Variants in GALNT17 observed in about 807,000 individuals in gnomAD.
GALNT17 encodes the protein polypeptide N-acetylgalactosaminyltransferase 17.
GALNT17 carries 29 observed loss-of-function variants against 63.7 expected under a neutral mutation model. That is an observed-to-expected ratio of 0.46 (90% CI 0.34 to 0.62). GALNT17 has a LOEUF of 0.62. Ranked by LOEUF, GALNT17 falls within the 20% of genes least tolerant of loss-of-function variation. GALNT17 has a pLI of 0.01. For synonymous variants in GALNT17, 305 were observed against 318.3 expected (o/e 0.96, Z 0.45); for missense variants, 603 against 799.6 (o/e 0.75, Z 2.97).
chr7:71,268,989 C>T (rs1318653655), intron 1 of GALNT17, among the ~76,000 whole-genome samples: 4 of 152,156 alleles, frequency 2.6e-5, no homozygotes. Flanking sequence ...ACTGAGGCTG[C>T]CAAGGGCAGG....
intron 1 of GALNT17, among the ~76,000 whole-genome samples, chr7:71,142,047 T>TGTGTGTGTGTGTGTGTGTGTGTGTG (rs57769191): frequency 6.8e-6 from 1 of 146,816 alleles, no homozygotes; most frequent in East Asian, 2.0e-4. Flanking sequence ...TGTGTGTGTG[T>TGTGTGTGTGTGTGTGTGTGTGTGTG]TTAGTAGAGA....
intron 5 of GALNT17, among the ~76,000 whole-genome samples, chr7:71,466,564 C>G (rs1361294305): frequency 1.3e-5 from 2 of 152,122 alleles, no homozygotes; most frequent in African/African-American, 4.8e-5. Context: ...GAATTCCCTT[C>G]CCTTCCTAGG....
intron 5 of GALNT17, among the ~76,000 whole-genome samples, chr7:71,500,757 GA>G (rs2116699998): frequency 6.6e-6 from 1 of 152,210 alleles, no homozygotes; most frequent in East Asian, 1.9e-4. Flanking sequence ...CTGCAGGGAA[GA>G]TGGGCTCTGA....
At chr7:71,315,067 A>G (rs1266698524) in intron 1 of GALNT17, among the ~76,000 whole-genome samples, 1 of 152,186 alleles carries the variant, frequency 6.6e-6, no homozygotes, top group Admixed American at 6.5e-5. Flanking sequence ...TCACTAATCT[A>G]TTATTTGTCT....
At chr7:71,624,111 G>T (rs969290321) in intron 6 of GALNT17, among the ~76,000 whole-genome samples, 1 of 152,222 alleles carries the variant, frequency 6.6e-6, no homozygotes, top group Non-Finnish European at 1.5e-5. Flanking sequence ...TGTGCTTACG[G>T]TTGGGGTCAG....
At chr7:71,439,210 T>G (rs1012648826) in intron 5 of GALNT17, among the ~76,000 whole-genome samples, 1 of 152,126 alleles carries the variant, frequency 6.6e-6, no homozygotes, top group Admixed American at 6.5e-5. Flanking sequence ...AGGAGAGACA[T>G]TTTAAATGCC....
intron 7 of GALNT17, among the ~76,000 whole-genome samples, chr7:71,668,038 A>G (rs374081544): frequency 3.3e-5 from 5 of 152,040 alleles, no homozygotes; most frequent in African/African-American, 4.8e-5. Context: ...GGCTCAAGCA[A>G]TCCTCCCACC....
chr7:71,277,440 A>T (rs764993623), intron 1 of GALNT17, among the ~76,000 whole-genome samples: 20 of 152,216 alleles, frequency 1.3e-4, no homozygotes, highest in Non-Finnish European at 2.5e-4. Flanking sequence ...CCTCAGCATC[A>T]CACAGTATAC....
intron 5 of GALNT17, among the ~76,000 whole-genome samples, chr7:71,439,370 C>T (rs1348373339): frequency 2.0e-5 from 3 of 152,164 alleles, no homozygotes; most frequent in Admixed American, 1.3e-4. Flanking sequence ...CACCTAGGTA[C>T]CTTCTGCACC....
intron 1 of GALNT17, among the ~76,000 whole-genome samples, chr7:71,309,805 C>T (rs1791381174): frequency 2.0e-5 from 3 of 152,072 alleles, no homozygotes; most frequent in South Asian, 2.1e-4. Flanking sequence ...GTTTAGAATA[C>T]TTATTTCTAA....
chr7:71,564,837 C>G (rs1789314115), intron 5 of GALNT17, among the ~76,000 whole-genome samples: 2 of 152,158 alleles, frequency 1.3e-5, no homozygotes, highest in South Asian at 4.1e-4. Context: ...TCCCAGGACT[C>G]AGAGAACCCT....
intron 8 of GALNT17, among the ~76,000 whole-genome samples, chr7:71,673,626 A>C (rs1032434831): frequency 1.3e-5 from 2 of 152,156 alleles, no homozygotes; most frequent in South Asian, 2.1e-4. Context: ...TAAAAAGGAA[A>C]TAATAAACAT....
chr7:71,384,613 T>C (rs1051004894), intron 2 of GALNT17, among the ~76,000 whole-genome samples: 3 of 152,208 alleles, frequency 2.0e-5, no homozygotes, highest in Admixed American at 6.5e-5. Flanking sequence ...TAATTAATGC[T>C]CATGATCTTC....
intron 1 of GALNT17, among the ~76,000 whole-genome samples, chr7:71,232,573 T>C (rs1583783003): frequency 6.6e-6 from 1 of 152,162 alleles, no homozygotes; most frequent in Non-Finnish European, 1.5e-5. Context: ...GGAAGGTTTT[T>C]GGCTTTGCTC....
chr7:71,685,888 G>GT (rs550536226), intron 9 of GALNT17: 80 of 116,904 alleles, frequency 6.8e-4, no homozygotes, highest in Admixed American at 1.9e-3. Context: ...CACTATCTTA[G>GT]TTTTTTATAT....
At chr7:71,694,485 A>G (rs1410445690) in intron 9 of GALNT17, among the ~76,000 whole-genome samples, 3 of 150,670 alleles carry the variant, frequency 2.0e-5, no homozygotes, top group Admixed American at 6.7e-5. Context: ...AGCCTCTGCC[A>G]CCCAGATTCA....
intron 1 of GALNT17, among the ~76,000 whole-genome samples, chr7:71,310,169 C>G (rs1283790583): frequency 6.6e-6 from 1 of 152,074 alleles, no homozygotes; most frequent in African/African-American, 2.4e-5. Flanking sequence ...TGTAAATTGC[C>G]CAGTCTCAGA....
intron 5 of GALNT17, among the ~76,000 whole-genome samples, chr7:71,468,712 C>T (rs536406034): frequency 4.2e-4 from 64 of 152,178 alleles, no homozygotes; most frequent in African/African-American, 1.3e-3. Context: ...CCACTGTGCC[C>T]GGCCCTAGGC....
At chr7:71,576,424 C>T (rs1789537861) in intron 6 of GALNT17, among the ~76,000 whole-genome samples, 1 of 152,158 alleles carries the variant, frequency 6.6e-6, no homozygotes, top group Non-Finnish European at 1.5e-5. Context: ...TTTGAGAAAT[C>T]TCTGAACTGC....
Sources: gnomAD v4.1 joint callset for allele counts (sites outside exome capture counted in the v4.1 genomes callset) on GRCh38, gnomAD v4.1.1 for gene constraint, MANE v1.5 for transcripts, NCBI Gene and HGNC (gene_info 2026-07-23, HGNC 2026-07-21) for gene names.